SMIM35: variants seen among roughly 807,000 people sequenced by gnomAD.
The protein encoded by SMIM35 is TMPRSS4 antisense RNA 1 (non-protein coding).
chr11:118,003,828 A>G lies in SMIM35; in HGVS notation c.*2582T>C, dbSNP rs995366678. On this transcript the variant is annotated 3_prime_UTR_variant, in exon 5 of 5. Coordinates refer to ENST00000689828, the MANE Select transcript of SMIM35 (RefSeq NM_001394165.1). ...TAAACACAACAAACGTATTACTACA[A>G]TCAGTGATAAGTGATGTGAAAGAAA... 6.6e-6 allele frequency: 1 copy of G among 152,210 alleles called. No individual in the cohort carries two copies. The highest frequency in any genetic ancestry group is 2.4e-5 in the African/African-American group (1 of 41,444). 9.4% of individuals were successfully genotyped at this position (152,210 alleles called of 1,614,324 possible).
intron 1 of SMIM35, among the ~76,000 whole-genome samples, chr11:118,034,802 A>T (rs2058346480): frequency 6.6e-6 from 1 of 152,210 alleles, no homozygotes; most frequent in South Asian, 2.1e-4. Flanking sequence ...CCAAAGAATG[A>T]CAAGGGGGAC....
At chr11:118,014,790 G>A in intron 2 of SMIM35, 49 bp from the exon 3 acceptor site, 2 of 398,866 alleles carry the variant, frequency 5.0e-6, no homozygotes, top group Non-Finnish European at 4.4e-6. Flanking sequence ...AGGGGAAGCA[G>A]TCCGCCACCC....
chr11:118,073,612 G>A (rs2135145884), intron 1 of SMIM35, among the ~76,000 whole-genome samples: 1 of 152,360 alleles, frequency 6.6e-6, no homozygotes, highest in East Asian at 1.9e-4. Context: ...TGGCCCATAA[G>A]GAAAGCAGTT....
At chr11:118,072,898 T>A (rs779482656) in intron 1 of SMIM35, among the ~76,000 whole-genome samples, 1 of 152,146 alleles carries the variant, frequency 6.6e-6, no homozygotes, top group Non-Finnish European at 1.5e-5. Context: ...ACCAAACACT[T>A]CACATGGAAG....
At chr11:118,039,877 T>G (rs888999911) in intron 1 of SMIM35, among the ~76,000 whole-genome samples, 1 of 151,526 alleles carries the variant, frequency 6.6e-6, no homozygotes, top group African/African-American at 2.4e-5. Context: ...AAGCCCCGTC[T>G]CTACTAAAAA....
intron 1 of SMIM35, among the ~76,000 whole-genome samples, chr11:118,016,488 C>A (rs1300042758): frequency 6.6e-6 from 1 of 152,110 alleles, no homozygotes; most frequent in Admixed American, 6.5e-5. Flanking sequence ...TCTGCCGGGG[C>A]AGGGAATCAG....
intron 1 of SMIM35, among the ~76,000 whole-genome samples, chr11:118,053,922 A>G (rs190342422): frequency 1.3e-5 from 2 of 152,350 alleles, no homozygotes; most frequent in East Asian, 3.9e-4. Context: ...GAAAGATTGT[A>G]ATCTCTAAAG....
chr11:118,015,390 T>TCTTG (rs1245896823), intron 2 of SMIM35, among the ~76,000 whole-genome samples: 6 of 152,110 alleles, frequency 3.9e-5, no homozygotes, highest in Non-Finnish European at 4.4e-5. Flanking sequence ...AGCCCATTGA[T>TCTTG]CTTGGCCTTG....
intron 1 of SMIM35, among the ~76,000 whole-genome samples, chr11:118,023,928 G>A (rs777272459): frequency 6.6e-6 from 1 of 151,738 alleles, no homozygotes; most frequent in East Asian, 1.9e-4. Flanking sequence ...CCAGCAACTC[G>A]GGAGGCTGAG....
At chr11:118,085,388 T>G (rs1422727267) in intron 1 of SMIM35, among the ~76,000 whole-genome samples, 1 of 152,050 alleles carries the variant, frequency 6.6e-6, no homozygotes, top group Non-Finnish European at 1.5e-5. Flanking sequence ...CACGCCCAGC[T>G]AATTTTTTGT....
At chr11:118,053,939 C>T (rs1017034343) in intron 1 of SMIM35, among the ~76,000 whole-genome samples, 2 of 152,132 alleles carry the variant, frequency 1.3e-5, no homozygotes, top group African/African-American at 2.4e-5. Flanking sequence ...AAAGTCTAAA[C>T]CCCTAACATC....
At chr11:118,076,733 G>A (rs1001041000) in intron 1 of SMIM35, among the ~76,000 whole-genome samples, 3 of 152,052 alleles carry the variant, frequency 2.0e-5, no homozygotes, top group Non-Finnish European at 4.4e-5. Flanking sequence ...GTACTGAGCT[G>A]CAAACCCTGT....
At chr11:118,024,549 T>A (rs1018112797) in intron 1 of SMIM35, among the ~76,000 whole-genome samples, 11 of 151,556 alleles carry the variant, frequency 7.3e-5, no homozygotes, top group Non-Finnish European at 1.5e-5. Flanking sequence ...CTCGGCTCAC[T>A]GCAACCTCGA....
At chr11:118,060,451 G>A (rs1944377636) in intron 1 of SMIM35, among the ~76,000 whole-genome samples, 1 of 152,246 alleles carries the variant, frequency 6.6e-6, no homozygotes, top group South Asian at 2.1e-4. Flanking sequence ...CATGAGTCAG[G>A]GTTTTGCTGC....
intron 1 of SMIM35, among the ~76,000 whole-genome samples, chr11:118,046,007 A>G (rs1944092864): frequency 6.6e-6 from 1 of 152,246 alleles, no homozygotes; most frequent in African/African-American, 2.4e-5. Context: ...TGTATGTGAA[A>G]GGAGAGTTAT....
intron 1 of SMIM35, among the ~76,000 whole-genome samples, chr11:118,040,618 AATGATCTC>A (rs1467538730): frequency 6.6e-6 from 1 of 152,214 alleles, no homozygotes; most frequent in Admixed American, 6.5e-5. Flanking sequence ...GCTAAAAGCA[AATGATCTC>A]ATGCTAATTT....
intron 1 of SMIM35, among the ~76,000 whole-genome samples, chr11:118,030,540 T>C (rs999447887): frequency 6.6e-6 from 1 of 152,196 alleles, no homozygotes; most frequent in Admixed American, 6.5e-5. Context: ...TGTTCTTTCT[T>C]GGGCCCAGCC....
At chr11:118,079,654 G>A (rs973861682) in intron 1 of SMIM35, among the ~76,000 whole-genome samples, 13 of 152,310 alleles carry the variant, frequency 8.5e-5, no homozygotes, top group Admixed American at 3.3e-4. Context: ...TGACGCTTCC[G>A]GCTGCTCTGG....
chr11:118,006,754 T>G (rs1014740168), intron 4 of SMIM35, among the ~76,000 whole-genome samples: 1 of 152,216 alleles, frequency 6.6e-6, no homozygotes, highest in African/African-American at 2.4e-5. Flanking sequence ...TCTATTATTT[T>G]AAATTTTATC....
Sources: gnomAD v4.1 joint callset for allele counts (sites outside exome capture counted in the v4.1 genomes callset) on GRCh38, gnomAD v4.1.1 for gene constraint, MANE v1.5 for transcripts, NCBI Gene and HGNC (gene_info 2026-07-23, HGNC 2026-07-21) for gene names.